The following PPP1R9A variants were observed in gnomAD, a reference collection of about 807,000 sequenced individuals.
PPP1R9A encodes neurabin-1.
PPP1R9A carries 59 observed loss-of-function variants against 141.9 expected under a neutral mutation model. That is an observed-to-expected ratio of 0.42 (90% confidence interval 0.34 to 0.52). The LOEUF is 0.52. Among genes scored for constraint, PPP1R9A ranks in the 20% least tolerant of loss-of-function variants. The probability of loss-of-function intolerance (pLI) is 0.10; values close to 1 mark genes in which losing one functional copy is unlikely to be tolerated. For missense variants in PPP1R9A, 1,444 were observed against 1,611.9 expected, an observed-to-expected ratio of 0.90 and a Z score of 1.78; for synonymous variants, 500 against 569.7, an observed-to-expected ratio of 0.88 and a Z score of 1.74.
Position 94,927,186 on chromosome 7 carries a change from C to T in PPP1R9A, c.1395+15678C>T, listed in dbSNP as rs142067486. ...TTTGGGGGGGTTATGTATGTTTTTG[C>T]AGATACGTAAAAACCATGTTTTGTA... On this transcript the variant is annotated intron_variant, in intron 2 of 19. Coordinates refer to ENST00000433360, the MANE Select transcript of PPP1R9A (RefSeq NM_001166160.2). Among the ~76,000 whole-genome samples the T allele has an allele frequency of 5.3e-3, 804 of 152,076 alleles. 7 individuals are homozygous for T. Among genetic ancestry groups the T allele is most frequent in the African/African-American group, 0.018 (753 of 41,512 alleles).
intron 4 of PPP1R9A, among the ~76,000 whole-genome samples, chr7:95,154,419 C>T (rs562841924): frequency 1.1e-4 from 16 of 152,034 alleles, no homozygotes; most frequent in Middle Eastern, 3.4e-3. Context: ...TTTGTTGAGG[C>T]TTGTCTTGTG....
chr7:94,947,620 A>G (rs1796034247), intron 2 of PPP1R9A, among the ~76,000 whole-genome samples: 1 of 152,118 alleles, frequency 6.6e-6, no homozygotes, highest in African/African-American at 2.4e-5. Context: ...AGAAGGGACA[A>G]GAAACTTTCA....
intron 5 of PPP1R9A, among the ~76,000 whole-genome samples, chr7:95,193,351 T>C (rs935574181): frequency 3.9e-5 from 6 of 152,138 alleles, no homozygotes; most frequent in African/African-American, 1.2e-4. Context: ...TGCGCAATTA[T>C]AAATCATTTC....
intron 2 of PPP1R9A, among the ~76,000 whole-genome samples, chr7:95,048,689 C>G (rs1258937305): frequency 6.6e-6 from 1 of 151,796 alleles, no homozygotes; most frequent in East Asian, 1.9e-4. Context: ...ATTACAGGTG[C>G]CTGCCACCAC....
rs139109214 is a variant in PPP1R9A, at chr7:95,105,543, C to T, written c.1396-5716C>T. Among the ~76,000 whole-genome samples, 74 of 152,234 alleles carry T rather than the reference C, an allele frequency of 4.9e-4. No homozygotes were observed. In the East Asian group the frequency reaches 0.014, roughly 28 times the overall value. On this transcript the variant is annotated intron_variant, in intron 2 of 19. Transcript: ENST00000433360. Reference sequence around the variant, plus strand: ...TTTTCTCAGTGAAATAAAACAGGAACAATGTGAAGGTAGCTTGAACTACAA... The same window carrying T: ...TTTTCTCAGTGAAATAAAACAGGAATAATGTGAAGGTAGCTTGAACTACAA...
intron 2 of PPP1R9A, among the ~76,000 whole-genome samples, chr7:95,094,106 G>T (rs1162244751): frequency 6.6e-6 from 1 of 152,130 alleles, no homozygotes; most frequent in African/African-American, 2.4e-5. Flanking sequence ...AAATATGAAA[G>T]AAAGCTTAGC....
intron 7 of PPP1R9A, among the ~76,000 whole-genome samples, chr7:95,224,178 T>C (rs1175346145): frequency 6.6e-6 from 1 of 152,088 alleles, no homozygotes; most frequent in Non-Finnish European, 1.5e-5. Flanking sequence ...TTCAGACTGA[T>C]TTCTACAGAG....
intron 2 of PPP1R9A, among the ~76,000 whole-genome samples, chr7:94,940,156 G>C (rs1795184462): frequency 6.6e-6 from 1 of 151,982 alleles, no homozygotes; most frequent in Non-Finnish European, 1.5e-5. Flanking sequence ...TCATGCTCTA[G>C]GCTAAGTAAC....
intron 2 of PPP1R9A, among the ~76,000 whole-genome samples, chr7:95,040,379 G>A (rs1408749046): frequency 1.3e-5 from 2 of 151,832 alleles, no homozygotes; most frequent in Non-Finnish European, 2.9e-5. Flanking sequence ...AGTCAGTAAC[G>A]GCTCCATGCA....
chr7:95,185,923 T>C (rs1167918437), intron 5 of PPP1R9A, among the ~76,000 whole-genome samples: 3 of 151,026 alleles, frequency 2.0e-5, no homozygotes, highest in Non-Finnish European at 4.5e-5. Context: ...TGTTTTGGTA[T>C]AGCCATGTAG....
At position 95,284,202 on chromosome 7, in the gene PPP1R9A, A is replaced by C; in HGVS notation, c.3481A>C (p.Lys1161Gln). The change falls in exon 17 of 20, where the codon AAA becomes CAA. Residue 1161 changes from lysine (K) to glutamine (Q), a missense_variant. Lys to Gln is a moderately conservative substitution (Grantham distance 53). Around this residue, in one of 5 missense-constraint regions of PPP1R9A, gnomAD observed 459 missense variants for 513.8 expected, o/e 0.89. Transcript: ENST00000433360. Reference sequence around the variant, plus strand: ...TTCTCCTGAGACTCTAATTTCAGATAAAAAGGGGTCCAAGGTAGAAAACAC... The same window carrying C: ...TTCTCCTGAGACTCTAATTTCAGATCAAAAGGGGTCCAAGGTAGAAAACAC... ...QPSPETLISD[K>Q]KGSKVENTWI... The C allele has an allele frequency of 6.3e-7, 1 of 1,577,572 alleles. No individual in the cohort carries two copies. The highest frequency in any genetic ancestry group is 8.6e-7 in the Non-Finnish European group (1 of 1,159,872).
intron 8 of PPP1R9A, among the ~76,000 whole-genome samples, chr7:95,236,669 C>A (rs1796716212): frequency 7.1e-6 from 1 of 141,242 alleles, no homozygotes; most frequent in African/African-American, 2.6e-5. Flanking sequence ...CTTTTTAGTT[C>A]CTAATTGTTT....
At chr7:95,259,117 A>G (rs1800044412) in intron 12 of PPP1R9A, among the ~76,000 whole-genome samples, 1 of 152,190 alleles carries the variant, frequency 6.6e-6, no homozygotes, top group African/African-American at 2.4e-5. Flanking sequence ...ACAATTCACT[A>G]CCACGCATCT....
Position 94,910,280 on chromosome 7 carries a change from G to A in PPP1R9A, c.167G>A (p.Gly56Glu). The change falls in exon 2 of 20, where the codon GGG (glycine) becomes GAG (glutamate). Residue 56 changes from glycine to glutamate, a missense_variant. Gly to Glu is a moderately conservative substitution (Grantham distance 98). Coordinates refer to ENST00000433360, the MANE Select transcript of PPP1R9A (RefSeq NM_001166160.2). The surrounding 1 kb of genome is among the most constrained non-coding windows in gnomAD (Gnocchi z 4.5). ...KEGEGSQQSRGRKYGSNVNRI... is the reference protein window; with the variant it reads ...KEGEGSQQSRERKYGSNVNRI... ...GGTGAGGGCTCCCAGCAGAGCAGGG[G>A]GAGGAAATATGGCTCCAATGTCAAC... 1 of 1,614,040 alleles carries A rather than the reference G, an allele frequency of 6.2e-7. No homozygotes were observed. The highest frequency in any genetic ancestry group is 2.2e-5 in the East Asian group (1 of 44,870).
At position 95,089,540 on chromosome 7, in the gene PPP1R9A, C is replaced by T. The variant is rs10485995; in HGVS notation, c.1396-21719C>T. Among the ~76,000 whole-genome samples the T allele has an allele frequency of 4.1e-3, 622 of 152,080 alleles. 16 individuals are homozygous for T. Among genetic ancestry groups the T allele is most frequent in the African/African-American group, 0.014 (588 of 41,392 alleles). On this transcript the variant is annotated intron_variant, in intron 2 of 19. Coordinates refer to ENST00000433360, the MANE Select transcript of PPP1R9A (RefSeq NM_001166160.2). ...TCTTTTGTCCTTCCCTTAAATTGAT[C>T]TCATAGTTAACTGCTTTGGAGATTC... is the stretch of plus-strand genomic sequence containing the variant.
chr7:95,009,377 G>A (rs775087328), intron 2 of PPP1R9A, among the ~76,000 whole-genome samples: 1 of 152,160 alleles, frequency 6.6e-6, no homozygotes, highest in Non-Finnish European at 1.5e-5. Flanking sequence ...AGGGATGATA[G>A]CATTGTTCTC....
At chr7:95,120,286 C>T (rs10273301) in intron 3 of PPP1R9A, among the ~76,000 whole-genome samples, 1,727 of 152,032 alleles carry the variant, frequency 0.011, 28 homozygotes, top group African/African-American at 0.04. Context: ...CATGAATAAA[C>T]AAGTAAAGAA....
chr7:95,227,145 C>T (rs1052088246), intron 8 of PPP1R9A, among the ~76,000 whole-genome samples: 3 of 152,202 alleles, frequency 2.0e-5, no homozygotes, highest in Non-Finnish European at 2.9e-5. Context: ...CTTATTTGGC[C>T]AAAGAATATA....
chr7:95,068,029 A>G (rs1257837034), intron 2 of PPP1R9A, among the ~76,000 whole-genome samples: 2 of 152,210 alleles, frequency 1.3e-5, no homozygotes, highest in African/African-American at 2.4e-5. Flanking sequence ...ACCCAGGTGA[A>G]ATAAACATCC....
Sources: gnomAD v4.1 joint callset for allele counts (sites outside exome capture counted in the v4.1 genomes callset) on GRCh38, gnomAD v4.1.1 for gene constraint, gnomAD v4.1.1 regional missense constraint, Gnocchi (gnomAD v3.1) non-coding constraint, MANE v1.5 for transcripts, NCBI Gene and HGNC (gene_info 2026-07-23, HGNC 2026-07-21) for gene names.